The following PALLD variants were observed in gnomAD, a reference collection of about 807,000 sequenced individuals.
PALLD encodes the protein palladin.
Under a neutral mutation model 123.5 loss-of-function variants are expected in PALLD, and 61 were observed. The observed-to-expected ratio is 0.49, with a 90% CI of 0.40 to 0.61. PALLD has a LOEUF of 0.61. PALLD is among the 20% of genes least tolerant of loss of function. The probability of loss-of-function intolerance (pLI) is 0.00; values close to 1 mark genes in which losing one functional copy is unlikely to be tolerated. For missense variants in PALLD, 1,273 were observed against 1,377.0 expected (o/e 0.92, Z 1.20); for synonymous variants, 465 against 496.4 (o/e 0.94, Z 0.84).
intron 2 of PALLD, among the ~76,000 whole-genome samples, chr4:168,599,975 A>ATATATACATACATGTGTATACACACACG (rs1170255696): frequency 1.9e-4 from 29 of 151,206 alleles, no homozygotes; most frequent in African/African-American, 2.4e-4. Flanking sequence ...ATACACACAC[A>ATATATACATACATGTGTATACACACACG]TATATACATA....
chr4:168,922,102 TACACACAC>T (rs35503011), intron 18 of PALLD, among the ~76,000 whole-genome samples: 30 of 132,630 alleles, frequency 2.3e-4, no homozygotes, highest in African/African-American at 3.1e-4. Context: ...TATATATATA[TACACACAC>T]ACACACACAC....
intron 2 of PALLD, among the ~76,000 whole-genome samples, chr4:168,637,371 T>A (rs549630436): frequency 1.4e-4 from 22 of 152,188 alleles, no homozygotes; most frequent in Middle Eastern, 3.4e-3. Flanking sequence ...AGTAGACAAC[T>A]ACCAGCAAGC....
At chr4:168,675,502 T>C (rs1264699969) in intron 3 of PALLD, among the ~76,000 whole-genome samples, 1 of 152,228 alleles carries the variant, frequency 6.6e-6, no homozygotes, top group East Asian at 1.9e-4. Context: ...TCACTGGGTT[T>C]TGAAAACTTT....
chr4:168,652,538 C>A (rs1003812977), intron 2 of PALLD, among the ~76,000 whole-genome samples: 15 of 152,074 alleles, frequency 9.9e-5, no homozygotes, highest in Admixed American at 8.5e-4. Flanking sequence ...CAGGTTAACA[C>A]AAACATTTTA....
chr4:168,570,484 G>A (rs1277553353), intron 2 of PALLD, among the ~76,000 whole-genome samples: 2 of 152,164 alleles, frequency 1.3e-5, no homozygotes, highest in African/African-American at 2.4e-5. Context: ...GTTAACAAAA[G>A]TGCCAATGTT....
At chr4:168,676,503 CTATATAA>C (rs1240343549) in intron 3 of PALLD, among the ~76,000 whole-genome samples, 2 of 149,430 alleles carry the variant, frequency 1.3e-5, no homozygotes, top group East Asian at 3.9e-4. Flanking sequence ...TAAAACATAT[CTATATAA>C]TATATATTAT....
chr4:168,581,118 C>A (rs1027859272), intron 2 of PALLD, among the ~76,000 whole-genome samples: 9 of 151,844 alleles, frequency 5.9e-5, no homozygotes, highest in Non-Finnish European at 1.3e-4. Flanking sequence ...TGTACCCCTG[C>A]ACCTAAAATA....
At chr4:168,745,414 T>G (rs1730133569) in intron 10 of PALLD, among the ~76,000 whole-genome samples, 1 of 97,020 alleles carries the variant, frequency 1.0e-5, no homozygotes. Context: ...TTAGTTAGAG[T>G]CTGTGAGATG....
intron 17 of PALLD, among the ~76,000 whole-genome samples, chr4:168,919,572 GA>G (rs1198277536): frequency 3.3e-4 from 47 of 144,002 alleles, no homozygotes; most frequent in East Asian, 1.0e-3. Context: ...GATAGATCAG[GA>G]AAAAAAAAAA....
At chr4:168,706,761 G>GAT (rs1467576019) in intron 8 of PALLD, among the ~76,000 whole-genome samples, 1 of 151,992 alleles carries the variant, frequency 6.6e-6, no homozygotes, top group Non-Finnish European at 1.5e-5. Context: ...CAAAAAAATA[G>GAT]ATATATATAT....
chr4:168,847,614 T>C (rs375101216), intron 10 of PALLD, among the ~76,000 whole-genome samples: 34 of 152,278 alleles, frequency 2.2e-4, no homozygotes, highest in African/African-American at 6.8e-4. Context: ...TTGGTGGTTA[T>C]GTGGGAAATT....
At chr4:168,718,756 C>A (rs1297189457) in intron 10 of PALLD, among the ~76,000 whole-genome samples, 6 of 152,098 alleles carry the variant, frequency 3.9e-5, no homozygotes, top group African/African-American at 1.4e-4. Context: ...TGCCTACCCA[C>A]CACATATACT....
chr4:168,894,842 G>T, intron 12 of PALLD, 165 bp downstream of exon 12: 1 of 1,103,318 alleles, frequency 9.1e-7, no homozygotes, highest in Non-Finnish European at 1.3e-6. Context: ...TTTTTATTGA[G>T]CACATACTAT....
intron 12 of PALLD, 139 bp from the exon 13 acceptor site, chr4:168,896,410 T>A: frequency 1.5e-6 from 1 of 647,750 alleles, no homozygotes; most frequent in African/African-American, 1.8e-5. Flanking sequence ...AGCAGAATGG[T>A]TGTGTGAGTA....
At chr4:168,559,944 G>A (rs1046912823) in intron 2 of PALLD, among the ~76,000 whole-genome samples, 4 of 152,014 alleles carry the variant, frequency 2.6e-5, no homozygotes, top group African/African-American at 9.7e-5. Flanking sequence ...GAGCATGCAA[G>A]CAAGCAGTAT....
At chr4:168,816,966 C>T (rs1398010198) in intron 10 of PALLD, among the ~76,000 whole-genome samples, 1 of 151,620 alleles carries the variant, frequency 6.6e-6, no homozygotes, top group African/African-American at 2.4e-5. Flanking sequence ...GTTCCAGCGA[C>T]CAAATAAGGA....
At chr4:168,859,131 T>C (rs180769597) in intron 10 of PALLD, among the ~76,000 whole-genome samples, 6 of 152,340 alleles carry the variant, frequency 3.9e-5, no homozygotes, top group Admixed American at 3.3e-4. Flanking sequence ...TTTGCTCTGT[T>C]ACATGACTCG....
At chr4:168,637,305 C>T (rs1382359929) in intron 2 of PALLD, among the ~76,000 whole-genome samples, 2 of 152,054 alleles carry the variant, frequency 1.3e-5, no homozygotes, top group Non-Finnish European at 2.9e-5. Context: ...GCACAGTTCT[C>T]AGCCGGCTGG....
In PALLD at chr4:168,896,613, C is replaced by G. The variant is rs1236061507; in HGVS notation, c.2250+14C>G. 7.1e-7 allele frequency: 1 copy of G among 1,415,208 alleles called. No homozygotes were observed. The highest frequency in any genetic ancestry group is 9.6e-7 in the Non-Finnish European group (1 of 1,037,574). 87.7% of individuals were successfully genotyped at this position (1,415,208 alleles called of 1,614,324 possible). A position where few individuals can be genotyped will look rare whatever the true frequency, so the allele number is the denominator to read the frequency against. On this transcript the variant is annotated intron_variant, in intron 13 of 21. Coordinates refer to ENST00000505667, the MANE Select transcript of PALLD (RefSeq NM_001166108.2). ...GATGGTCAAAAGGTTAAGCTTTTCA[C>G]CTTTCTTCTCCTTCCAGTCTTTCTC...
Sources: gnomAD v4.1 joint callset for allele counts (sites outside exome capture counted in the v4.1 genomes callset) on GRCh38, gnomAD v4.1.1 for gene constraint, MANE v1.5 for transcripts, NCBI Gene and HGNC (gene_info 2026-07-23, HGNC 2026-07-21) for gene names.